MTDH: variants seen among roughly 807,000 people sequenced by gnomAD.
MTDH encodes metadherin.
Under a neutral mutation model 72.7 loss-of-function variants are expected in MTDH, and 34 were observed. That is an observed-to-expected ratio of 0.47 (90% CI 0.36 to 0.62). The LOEUF (loss-of-function observed/expected upper bound fraction) is 0.62, where lower values mean the gene tolerates loss of function less well. Ranked by LOEUF, MTDH falls within the 20% of genes least tolerant of loss-of-function variation. The pLI is 0.00. For synonymous variants in MTDH, 266 were observed against 268.9 expected (o/e 0.99, Z 0.10); for missense variants, 677 against 699.4 (o/e 0.97, Z 0.36).
chr8:97,684,762 T>C (rs550661087), intron 2 of MTDH, among the ~76,000 whole-genome samples: 4 of 152,130 alleles, frequency 2.6e-5, no homozygotes. Flanking sequence ...TTACAGAGTT[T>C]CTTTTTGGGG....
chr8:97,685,152 A>G (rs1392739060), intron 2 of MTDH, among the ~76,000 whole-genome samples: 1 of 152,170 alleles, frequency 6.6e-6, no homozygotes, highest in Non-Finnish European at 1.5e-5. Flanking sequence ...TAAAAGGGTG[A>G]CTATTATGGT....
At chr8:97,699,057 A>G (rs1813992483) in intron 6 of MTDH, among the ~76,000 whole-genome samples, 1 of 152,114 alleles carries the variant, frequency 6.6e-6, no homozygotes, top group East Asian at 1.9e-4. Context: ...AGGCTGAGGC[A>G]GGAGGATCAC....
chr8:97,697,720 T>C (rs1813926492), intron 6 of MTDH, among the ~76,000 whole-genome samples: 1 of 152,136 alleles, frequency 6.6e-6, no homozygotes, highest in South Asian at 2.1e-4. Flanking sequence ...ATGTAAGAAC[T>C]ATTCTTGGCT....
Position 97,725,339 on chromosome 8 carries a change from G to A in MTDH, c.*669G>A, listed in dbSNP as rs1815313103. ...TCTTACATTACTTGAATTGTTCAAA[G>A]TACAGTATATTTTAAATTAAGAAAA... On this transcript the variant is annotated 3_prime_UTR_variant, in exon 12 of 12. Transcript: ENST00000336273. The A allele has an allele frequency of 6.6e-6, 1 of 152,512 alleles. No homozygotes were observed. The highest frequency in any genetic ancestry group is 1.5e-5 in the Non-Finnish European group (1 of 68,008). 9.4% of individuals were successfully genotyped at this position (152,512 alleles called of 1,614,324 possible). A position where few individuals can be genotyped will look rare whatever the true frequency, so the allele number is the denominator to read the frequency against.
chr8:97,697,568 G>A (rs770108039), intron 6 of MTDH, among the ~76,000 whole-genome samples: 3 of 151,614 alleles, frequency 2.0e-5, no homozygotes, highest in Non-Finnish European at 4.4e-5. Context: ...TGTATTTTTA[G>A]TAGAGACAGT....
intron 6 of MTDH, among the ~76,000 whole-genome samples, chr8:97,692,162 G>A (rs553886898): frequency 1.3e-5 from 2 of 151,880 alleles, no homozygotes; most frequent in East Asian, 1.9e-4. Flanking sequence ...ATTTACAGGC[G>A]TGCGCCATCG....
chr8:97,684,578 A>T (rs931702079), intron 2 of MTDH, among the ~76,000 whole-genome samples: 2 of 152,228 alleles, frequency 1.3e-5, no homozygotes, highest in African/African-American at 4.8e-5. Flanking sequence ...TGCAAAGCCT[A>T]ACATATTTAC....
chr8:97,644,263 G>C lies in MTDH; in HGVS notation c.-244G>C, dbSNP rs1302766378. On this transcript the variant is annotated 5_prime_UTR_variant, in exon 1 of 12. Transcript: ENST00000336273. ...ACGCCGCTTAGCGGCCGCCACTGGA[G>C]ACACTCCCTCCCGCCTCCCGGGTCT... 2 of 534,522 alleles carry C rather than the reference G, an allele frequency of 3.7e-6. No homozygotes were observed. The highest frequency in any genetic ancestry group is 6.4e-6 in the Non-Finnish European group (2 of 312,330). The allele number at this position is 534,522 out of a possible 1,614,324, so 33.1% of individuals were successfully genotyped here.
intron 1 of MTDH, among the ~76,000 whole-genome samples, chr8:97,649,836 T>C (rs1180559852): frequency 6.6e-6 from 1 of 152,212 alleles, no homozygotes; most frequent in Non-Finnish European, 1.5e-5. Context: ...ACTCCTGAGC[T>C]CAGGCAGTCC....
intron 2 of MTDH, among the ~76,000 whole-genome samples, chr8:97,675,727 C>G (rs998392782): frequency 6.6e-6 from 1 of 151,540 alleles, no homozygotes; most frequent in Non-Finnish European, 1.5e-5. Context: ...CAAAAATTAG[C>G]CTGGTGTGGT....
chr8:97,700,828 A>G (rs1586263948), intron 7 of MTDH, among the ~76,000 whole-genome samples: 1 of 152,172 alleles, frequency 6.6e-6, no homozygotes, highest in African/African-American at 2.4e-5. Context: ...TCTAGAGTTC[A>G]TGCTCTTAAC....
intron 2 of MTDH, among the ~76,000 whole-genome samples, chr8:97,677,798 GT>G (rs1288038046): frequency 4.6e-5 from 7 of 152,022 alleles, no homozygotes; most frequent in African/African-American, 1.4e-4. Flanking sequence ...GGCATTTCTA[GT>G]TTTTTTGGAG....
rs57318329 is a variant in MTDH at position 97,675,939 on chromosome 8, G to GT, written c.484-10712dup. 2.2e-3 allele frequency among the ~76,000 whole-genome samples: 237 copies of GT among 105,770 alleles called. 1 individual carries two copies. Among genetic ancestry groups the GT allele is most frequent in the Middle Eastern group, 5.0e-3 (1 of 200 alleles). 69.4% of individuals were successfully genotyped at this position (105,770 alleles called of 152,430 possible). A position where few individuals can be genotyped will look rare whatever the true frequency, so the allele number is the denominator to read the frequency against. ...TGTATAAATGGCTAGTTGCAAATAG[G>GT]TTTTTTTTTTTTTTTTTCTGAGATA... On this transcript the variant is annotated intron_variant, in intron 2 of 11. Transcript: ENST00000336273.
chr8:97,722,957 T>C lies in MTDH; in HGVS notation c.1600T>C (p.Ser534Pro), dbSNP rs1469539470. The change falls in exon 11 of 12, where the codon TCC becomes CCC. Residue 534 changes from serine to proline, a missense_variant. By Grantham distance (74) the Ser-to-Pro change is moderately conservative (BLOSUM62 -1). Around this residue, in one of 3 missense-constraint regions of MTDH, gnomAD observed 201 missense variants for 204.5 expected, o/e 0.98. Coordinates refer to ENST00000336273, the MANE Select transcript of MTDH (RefSeq NM_178812.4). ...AAAAAGTGATTCTGACAAGAGCTCT[T>C]CCCAAGTGCCGCCAATACTACAAGA... Reference protein sequence around the residue: ...LSKSDSDKSSSQVPPILQETD... With the variant: ...LSKSDSDKSSPQVPPILQETD... The C allele has an allele frequency of 4.3e-6, 7 of 1,614,050 alleles. No homozygotes were observed. Among genetic ancestry groups the C allele is most frequent in the Non-Finnish European group, 5.9e-6 (7 of 1,180,024 alleles).
In MTDH at chr8:97,644,326, TG is replaced by T; in HGVS notation, c.-178del. On this transcript the variant is annotated 5_prime_UTR_variant, in exon 1 of 12. Coordinates refer to ENST00000336273, the MANE Select transcript of MTDH (RefSeq NM_178812.4). ...GGAGTGAGGCTGACAGCGGGGAACC[TG>T]GGAGACCCCTCCGCCCTCCCCGCGG... 2 of 760,862 alleles carry T rather than the reference TG, an allele frequency of 2.6e-6. No individual in the cohort carries two copies. The highest frequency in any genetic ancestry group is 2.0e-6 in the Non-Finnish European group (1 of 508,842). The allele number at this position is 760,862 out of a possible 1,614,324, so 47.1% of individuals were successfully genotyped here. A position where few individuals can be genotyped will look rare whatever the true frequency, so the allele number is the denominator to read the frequency against.
intron 2 of MTDH, among the ~76,000 whole-genome samples, chr8:97,662,862 GAAGTGGCT>G (rs893208187): frequency 6.6e-6 from 1 of 151,086 alleles, no homozygotes; most frequent in African/African-American, 2.4e-5. Context: ...TGTCTTTGAA[GAAGTGGCT>G]AAGTCACTTC....
intron 1 of MTDH, among the ~76,000 whole-genome samples, chr8:97,656,704 G>T (rs1163105014): frequency 1.3e-5 from 2 of 151,750 alleles, no homozygotes; most frequent in Admixed American, 1.3e-4. Flanking sequence ...TGGTACTTGA[G>T]TACCAGGAAT....
chr8:97,677,019 A>AAAAAAAAAAAAAAAAAAC (rs1812876701), intron 2 of MTDH, among the ~76,000 whole-genome samples: 2 of 139,566 alleles, frequency 1.4e-5, no homozygotes, highest in Admixed American at 1.4e-4. Context: ...AAAAAAAAAA[A>AAAAAAAAAAAAAAAAAAC]AAAAAATACA....
intron 1 of MTDH, among the ~76,000 whole-genome samples, chr8:97,653,941 C>G (rs2130918324): frequency 6.6e-6 from 1 of 152,316 alleles, no homozygotes; most frequent in South Asian, 2.1e-4. Flanking sequence ...TCATACCCAT[C>G]AGATGTAAAA....
Sources: gnomAD v4.1 joint callset for allele counts (sites outside exome capture counted in the v4.1 genomes callset) on GRCh38, gnomAD v4.1.1 for gene constraint, gnomAD v4.1.1 regional missense constraint, MANE v1.5 for transcripts, NCBI Gene and HGNC (gene_info 2026-07-23, HGNC 2026-07-21) for gene names.